Variants in MT4 observed in about 807,000 individuals in gnomAD.
MT4 encodes the protein metallothionein 4.
MT4 carries 11 observed loss-of-function variants against 9.5 expected under a neutral mutation model. That is an observed-to-expected ratio of 1.16 (90% CI 0.73 to 1.92). The LOEUF is 1.92. MT4 is among the 30% of genes most tolerant of loss of function. The pLI, the probability that MT4 is intolerant of heterozygous loss-of-function variation, is 0.00. For missense variants in MT4, 88 were observed against 78.7 expected (o/e 1.12, Z -0.45); for synonymous variants, 29 against 24.6 (o/e 1.18, Z -0.53).
intron 2 of MT4, 35 bp from the exon 3 acceptor site, chr16:56,568,806 C>T: frequency 6.8e-7 from 1 of 1,469,698 alleles, no homozygotes; most frequent in Non-Finnish European, 9.3e-7. Context: ...AAGTGTTGAC[C>T]CACAGCGGAT....
Position 56,568,904 on chromosome 16 carries a change from G to C in MT4, c.161G>C (p.Gly54Ala), listed in dbSNP as rs764284076. 2.5e-6 allele frequency: 4 copies of C among 1,607,232 alleles called. No individual in the cohort carries two copies. The South Asian group carries it at 4.4e-5, about 18-fold the overall frequency. ...GCCCGGGGCTGCATCTGCAAAGGAGGCTCAGACAAGTGCAGCTGCTGCCCA... is the reference window on the plus strand; with the variant it reads ...GCCCGGGGCTGCATCTGCAAAGGAGCCTCAGACAAGTGCAGCTGCTGCCCA... ...KCARGCICKG[G>A]SDKCSCCP Residue 54 changes from glycine to alanine, a missense_variant, in exon 3 of 3, where the codon GGC becomes GCC. Physicochemically the swap from Gly to Ala is moderately conservative, Grantham distance 60. Transcript: ENST00000219162.
intron 1 of MT4, among the ~76,000 whole-genome samples, chr16:56,565,961 C>T (rs1365899204): frequency 2.0e-5 from 3 of 151,158 alleles, no homozygotes; most frequent in South Asian, 2.1e-4. Context: ...CTACTCAGGA[C>T]GCTGAGAAGG....
chr16:56,566,869 A>G (rs1427033054), intron 1 of MT4, among the ~76,000 whole-genome samples: 1 of 151,458 alleles, frequency 6.6e-6, no homozygotes, highest in Non-Finnish European at 1.5e-5. Context: ...TGAGGGAGAG[A>G]GGAAGGAAGG....
rs1273363423 is a variant in MT4, at chr16:56,565,160, G to T, written c.31+1G>T. 2 of 1,612,392 alleles carry T rather than the reference G, an allele frequency of 1.2e-6. No individual in the cohort carries two copies. The highest frequency in any genetic ancestry group is 1.7e-6 in the Non-Finnish European group (2 of 1,179,304). The stretch of plus-strand genomic sequence containing the variant: ...CCCAGGGAATGTGTCTGCATGTCTG[G>T]TGAGTAAAGAAGCCCTCCCTGGGGT... On this transcript the variant is annotated splice_donor_variant, in intron 1 of 2. Coordinates refer to ENST00000219162, the MANE Select transcript of MT4 (RefSeq NM_032935.3). LOFTEE classifies it high-confidence loss of function.
intron 1 of MT4, among the ~76,000 whole-genome samples, chr16:56,566,948 G>A (rs1959544616): frequency 6.6e-6 from 1 of 152,114 alleles, no homozygotes; most frequent in Non-Finnish European, 1.5e-5. Flanking sequence ...GTTCACTGAC[G>A]TTCCTTGACC....
intron 2 of MT4, among the ~76,000 whole-genome samples, chr16:56,568,271 G>GAGAGAGAGAAAGAA (rs1567330643): frequency 6.8e-5 from 4 of 58,650 alleles, no homozygotes; most frequent in Non-Finnish European, 1.5e-4. Flanking sequence ...GAGAGAGAGA[G>GAGAGAGAGAAAGAA]AGAAAGAAAG....
intron 2 of MT4, among the ~76,000 whole-genome samples, chr16:56,568,265 G>A (rs1429650398): frequency 4.4e-4 from 34 of 77,172 alleles, no homozygotes; most frequent in Middle Eastern, 6.3e-3. Context: ...GAAAGAGAGA[G>A]AGAGAGAGAA....
intron 2 of MT4, among the ~76,000 whole-genome samples, chr16:56,568,235 GAAAGAA>G (rs1802656645): frequency 1.7e-3 from 78 of 45,890 alleles, no homozygotes; most frequent in African/African-American, 4.1e-3. Flanking sequence ...AAGAAAGAAA[GAAAGAA>G]AGAAAGAAAG....
chr16:56,566,109 A>G (rs1959514724), intron 1 of MT4, among the ~76,000 whole-genome samples: 1 of 152,156 alleles, frequency 6.6e-6, no homozygotes, highest in African/African-American at 2.4e-5. Flanking sequence ...ATGAAGTCTC[A>G]CAAGACTCCC....
At chr16:56,565,592 C>T (rs968271187) in intron 1 of MT4, among the ~76,000 whole-genome samples, 8 of 152,210 alleles carry the variant, frequency 5.3e-5, no homozygotes, top group Non-Finnish European at 1.0e-4. Flanking sequence ...CCCAGAGCTG[C>T]TATGAAAGTG....
rs867147375 is a variant in MT4, at chr16:56,566,789, A to G, written c.32-962A>G. Among the ~76,000 whole-genome samples the G allele has an allele frequency of 2.6e-3, 78 of 30,322 alleles. 1 individual carries two copies. The highest frequency in any genetic ancestry group is 3.8e-3 in the African/African-American group (55 of 14,420). The allele number at this position is 30,322 out of a possible 152,430, so 19.9% of individuals were successfully genotyped here. A position where few individuals can be genotyped will look rare whatever the true frequency, so the allele number is the denominator to read the frequency against. ...AGGAAGGAAAGAAAGAAAGAAAGAA[A>G]GAAAGAAAGAAAGAAAGAAAGAAAG... On this transcript the variant is annotated intron_variant, in intron 1 of 2. Coordinates refer to ENST00000219162, the MANE Select transcript of MT4 (RefSeq NM_032935.3).
rs544621796 is a variant in MT4, at chr16:56,568,838, C to T, written c.98-3C>T. ...GGATCTGCGCATCTCCTGACTCTTT[C>T]AGGCTGCTGTCCCTGCTGCCCCCCG... On this transcript the variant is annotated splice_polypyrimidine_tract_variant and splice_region_variant and intron_variant, in intron 2 of 2. Transcript: ENST00000219162. 3.8e-6 allele frequency: 6 copies of T among 1,593,568 alleles called. No individual in the cohort carries two copies. The highest frequency in any genetic ancestry group is 5.1e-6 in the Non-Finnish European group (6 of 1,169,466).
intron 2 of MT4, 49 bp from the exon 3 acceptor site, chr16:56,568,792 A>T: frequency 7.5e-7 from 1 of 1,324,686 alleles, no homozygotes; most frequent in Non-Finnish European, 1.0e-6. Flanking sequence ...CAGTGGTGAG[A>T]TGGAAGTGTT....
At position 56,567,828 on chromosome 16, in the gene MT4, G is replaced by T; in HGVS notation, c.97+12G>T. The T allele has an allele frequency of 1.9e-6, 3 of 1,608,368 alleles. No homozygotes were observed. The South Asian group carries it at 3.3e-5, about 18-fold the overall frequency. ...AACATATTGGAAGAGTGAGTATGGT[G>T]ACTGGGGGCACCATGGGCTGGGAGT... On this transcript the variant is annotated intron_variant, in intron 2 of 2. Transcript: ENST00000219162.
In MT4 at chr16:56,565,230, T is replaced by C; in HGVS notation, c.31+71T>C. ...TTCCTACAGGGAGCCTGCAGGTCCC[T>C]GATGAAAACTTCTCTTCCCTCTAAT... On this transcript the variant is annotated intron_variant, in intron 1 of 2. Transcript: ENST00000219162. 2.0e-6 allele frequency: 3 copies of C among 1,525,006 alleles called. No individual in the cohort carries two copies. In the Admixed American group the frequency reaches 6.0e-5, roughly 30 times the overall value. 94.5% of individuals were successfully genotyped at this position (1,525,006 alleles called of 1,614,324 possible).
At chr16:56,565,337 C>T in intron 1 of MT4, among the ~76,000 whole-genome samples, 178 bp downstream of exon 1, 1 of 152,184 alleles carries the variant, frequency 6.6e-6, no homozygotes. Flanking sequence ...TCTGTTGGCT[C>T]CCAGCCTGAT....
chr16:56,567,995 A>G (rs1401875831), intron 2 of MT4, among the ~76,000 whole-genome samples, 179 bp downstream of exon 2: 2 of 151,752 alleles, frequency 1.3e-5, no homozygotes, highest in Admixed American at 6.6e-5. Context: ...TCTACTAAAA[A>G]TACAATAATT....
chr16:56,566,063 C>CA (rs11428986), intron 1 of MT4, among the ~76,000 whole-genome samples: 97,109 of 148,754 alleles, frequency 0.65, 34,808 homozygotes, highest in Non-Finnish European at 0.8. Context: ...GACCCTTTCT[C>CA]AAAAAAAAAG....
chr16:56,566,586 A>AAG lies in MT4; in HGVS notation c.32-1151_32-1150dup, dbSNP rs1190731831. ...AGAGAAAGGGAGAAAGGGAGAAAGG[A>AAG]AGAGAGAGAGAGAGAAAGAGAGAAA... On this transcript the variant is annotated intron_variant, in intron 1 of 2. Transcript: ENST00000219162. Among the ~76,000 whole-genome samples the AAG allele has an allele frequency of 1.2e-4, 17 of 145,922 alleles. No individual in the cohort carries two copies. The East Asian group carries it at 2.0e-3, about 17-fold the overall frequency.
Sources: allele counts gnomAD v4.1 joint callset (sites outside exome capture counted in the v4.1 genomes callset), GRCh38; gene constraint gnomAD v4.1.1; transcripts MANE v1.5; gene names NCBI Gene and HGNC (gene_info 2026-07-23, HGNC 2026-07-21).